POLA1: variants seen among roughly 807,000 people sequenced by gnomAD.
POLA1 encodes DNA polymerase alpha catalytic subunit.
Under a neutral mutation model 124.0 loss-of-function variants are expected in POLA1, and 15 were observed. The observed-to-expected ratio is 0.12, with a 90% CI of 0.08 to 0.19. The LOEUF (loss-of-function observed/expected upper bound fraction) is 0.19, where lower values mean the gene tolerates loss of function less well. Among genes scored for constraint, POLA1 ranks in the 10% least tolerant of loss-of-function variants. The pLI, the probability that POLA1 is intolerant of heterozygous loss-of-function variation, is 1.00. For synonymous variants in POLA1, 408 were observed against 389.4 expected (o/e 1.05, Z -0.56); for missense variants, 886 against 1,103.4 (o/e 0.80, Z 2.79).
chrX:24,861,907 A>G (rs1601814093), intron 34 of POLA1, among the ~76,000 whole-genome samples: 1 of 112,136 alleles, frequency 8.9e-6, no homozygotes, highest in African/African-American at 3.2e-5. Flanking sequence ...ATCTTTATGT[A>G]TATTTCTTTA....
intron 35 of POLA1, among the ~76,000 whole-genome samples, chrX:24,888,429 T>C (rs1167212230): frequency 9.1e-6 from 1 of 110,342 alleles, no homozygotes; most frequent in African/African-American, 3.3e-5. Context: ...ACTGCTATCG[T>C]CTTTGGGCTT....
intron 30 of POLA1, among the ~76,000 whole-genome samples, chrX:24,820,387 G>T (rs780191410): frequency 2.7e-5 from 3 of 111,669 alleles, no homozygotes; most frequent in Non-Finnish European, 3.8e-5. Context: ...TCATCCAGCA[G>T]TACCCTGGTC....
At chrX:24,834,127 AAAAGG>A (rs1482015902) in intron 32 of POLA1, among the ~76,000 whole-genome samples, 4 of 109,882 alleles carry the variant, frequency 3.6e-5, no homozygotes, top group African/African-American at 1.3e-4. Context: ...AAAAAAAAAA[AAAAGG>A]AAGAAGACAC....
chrX:24,817,764 AG>A (rs2046018099), intron 30 of POLA1, among the ~76,000 whole-genome samples: 1 of 110,936 alleles, frequency 9.0e-6, no homozygotes, highest in Non-Finnish European at 1.9e-5. Context: ...ATTTACAGTA[AG>A]CTATTCATTT....
chrX:24,795,500 A>G (rs2045589667), intron 26 of POLA1, among the ~76,000 whole-genome samples: 1 of 111,055 alleles, frequency 9.0e-6, no homozygotes. Flanking sequence ...AGCAGCTGAA[A>G]TGCTGGCTCT....
At position 24,872,047 on chromosome X, in the gene POLA1, G is replaced by C. The variant is rs759611773; in HGVS notation, c.4048-15959G>C. The stretch of plus-strand genomic sequence containing the variant: ...TTAGATCCTTGGGAAATCTGCTAGA[G>C]GCAGCCCGGTGGAAATGTTGATAAA... On this transcript the variant is annotated intron_variant, in intron 34 of 36. Coordinates refer to ENST00000379068, the MANE Select transcript of POLA1 (RefSeq NM_001330360.2). 9.0e-5 allele frequency among the ~76,000 whole-genome samples: 10 copies of C among 111,385 alleles called. No individual in the cohort carries two copies. In the South Asian group the frequency reaches 3.8e-3, roughly 42 times the overall value.
intron 26 of POLA1, among the ~76,000 whole-genome samples, chrX:24,762,534 T>A (rs930759186): frequency 1.8e-5 from 2 of 110,992 alleles, no homozygotes; most frequent in African/African-American, 6.6e-5. Context: ...GTTGGAAGAA[T>A]AAGCATTCTA....
At chrX:24,928,148 A>G in intron 35 of POLA1, among the ~76,000 whole-genome samples, 1 of 111,987 alleles carries the variant, frequency 8.9e-6, no homozygotes, top group Admixed American at 9.5e-5. Context: ...AGGTGTTGGT[A>G]TATTTTTTTA....
intron 30 of POLA1, among the ~76,000 whole-genome samples, chrX:24,818,001 G>T (rs1419639580): frequency 9.5e-6 from 1 of 104,882 alleles, no homozygotes; most frequent in Non-Finnish European, 2.0e-5. Flanking sequence ...TTAAATTAGG[G>T]TGGAGACATG....
At chrX:24,747,692 A>G (rs1932089488) in intron 24 of POLA1, among the ~76,000 whole-genome samples, 1 of 104,797 alleles carries the variant, frequency 9.5e-6, no homozygotes, top group Admixed American at 1.0e-4. Flanking sequence ...GTTGTTCTCC[A>G]GTTTTGTTGA....
intron 26 of POLA1, among the ~76,000 whole-genome samples, chrX:24,779,013 C>A (rs1038519109): frequency 3.6e-5 from 4 of 111,708 alleles, no homozygotes; most frequent in African/African-American, 1.3e-4. Flanking sequence ...AGCCATTGTA[C>A]TGGACACTAC....
chrX:24,807,580 C>T (rs1231752143), intron 26 of POLA1, among the ~76,000 whole-genome samples: 1 of 112,093 alleles, frequency 8.9e-6, no homozygotes, highest in African/African-American at 3.2e-5. Flanking sequence ...GGGATTACTA[C>T]AGGACCTATC....
At chrX:24,953,881 G>A (rs1388563378) in intron 36 of POLA1, among the ~76,000 whole-genome samples, 1 of 112,190 alleles carries the variant, frequency 8.9e-6, no homozygotes, top group African/African-American at 3.2e-5. Flanking sequence ...TTTCAAAGGT[G>A]ACTGGGATAA....
intron 26 of POLA1, among the ~76,000 whole-genome samples, chrX:24,782,115 AT>A (rs767806482): frequency 8.9e-6 from 1 of 111,859 alleles, no homozygotes; most frequent in South Asian, 3.7e-4. Context: ...CCTAATGCCA[AT>A]TTGTTCATCT....
intron 26 of POLA1, among the ~76,000 whole-genome samples, chrX:24,790,999 T>TTC (rs1358522104): frequency 9.5e-6 from 1 of 105,652 alleles, no homozygotes; most frequent in Non-Finnish European, 1.9e-5. Flanking sequence ...CTTTCAGAGG[T>TTC]TCTAACACAG....
At chrX:24,909,713 G>A (rs1217070388) in intron 35 of POLA1, among the ~76,000 whole-genome samples, 4 of 110,507 alleles carry the variant, frequency 3.6e-5, no homozygotes, top group Non-Finnish European at 5.7e-5. Context: ...TGACTTGGCA[G>A]TGCAGGCTCT....
At chrX:24,824,018 T>G (rs1406720937) in intron 31 of POLA1, among the ~76,000 whole-genome samples, 1 of 112,125 alleles carries the variant, frequency 8.9e-6, no homozygotes, top group Non-Finnish European at 1.9e-5. Flanking sequence ...AGGCATGCCT[T>G]TAACATAATT....
chrX:24,877,284 G>T (rs2046947747), intron 34 of POLA1, among the ~76,000 whole-genome samples: 1 of 111,649 alleles, frequency 9.0e-6, no homozygotes, highest in Non-Finnish European at 1.9e-5. Context: ...ATTGAAAGAG[G>T]CAGCTGCATT....
intron 36 of POLA1, among the ~76,000 whole-genome samples, chrX:24,994,025 C>T (rs1475247629): frequency 8.9e-6 from 1 of 112,146 alleles, no homozygotes; most frequent in Non-Finnish European, 1.9e-5. Context: ...TCCTCCCCTG[C>T]TCCGTATTAC....
Sources: gnomAD v4.1 joint callset for allele counts (sites outside exome capture counted in the v4.1 genomes callset) on GRCh38, gnomAD v4.1.1 for gene constraint, MANE v1.5 for transcripts, NCBI Gene and HGNC (gene_info 2026-07-23, HGNC 2026-07-21) for gene names.